The following CTBP2 variants were observed in gnomAD, a reference collection of about 807,000 sequenced individuals.
The protein encoded by CTBP2 is C-terminal binding protein 2.
Under a neutral mutation model 80.3 loss-of-function variants are expected in CTBP2, and 30 were observed. That is an observed-to-expected ratio of 0.37 (90% CI 0.28 to 0.51). CTBP2 has a LOEUF of 0.51. Ranked by LOEUF, CTBP2 falls within the 20% of genes least tolerant of loss-of-function variation. CTBP2 has a pLI of 0.93. For missense variants in CTBP2, 1,212 were observed against 1,375.3 expected (o/e 0.88, Z 1.88); for synonymous variants, 594 against 587.4 (o/e 1.01, Z -0.16).
chr10:125,058,971 C>G (rs911085682), intron 2 of CTBP2, among the ~76,000 whole-genome samples: 1 of 152,140 alleles, frequency 6.6e-6, no homozygotes, highest in Non-Finnish European at 1.5e-5. Flanking sequence ...CCACCAAAAG[C>G]ACATCCCCAC....
intron 2 of CTBP2, among the ~76,000 whole-genome samples, chr10:125,047,805 CTAACTTT>C (rs1217000711): frequency 3.3e-5 from 5 of 152,128 alleles, no homozygotes; most frequent in South Asian, 2.1e-4. Context: ...TTTAATCCTC[CTAACTTT>C]TAATTATTTA....
chr10:125,086,971 C>CAA (rs1057447583), intron 2 of CTBP2, among the ~76,000 whole-genome samples: 1 of 152,084 alleles, frequency 6.6e-6, no homozygotes, highest in Admixed American at 6.5e-5. Context: ...CCCACACACA[C>CAA]GATCTCTGAA....
intron 1 of CTBP2, among the ~76,000 whole-genome samples, chr10:125,009,757 A>G (rs1955659201): frequency 6.6e-6 from 1 of 152,186 alleles, no homozygotes; most frequent in Admixed American, 6.5e-5. Context: ...CCTCTCAGAC[A>G]CTTGGCGTTA....
chr10:125,024,824 A>G (rs1393301327), intron 1 of CTBP2, among the ~76,000 whole-genome samples: 2 of 152,240 alleles, frequency 1.3e-5, no homozygotes, highest in African/African-American at 2.4e-5. Context: ...CCTGCCGCAC[A>G]TGTATTTGAG....
intron 2 of CTBP2, among the ~76,000 whole-genome samples, chr10:125,051,047 A>T (rs1224354009): frequency 6.6e-6 from 1 of 152,258 alleles, no homozygotes; most frequent in Non-Finnish European, 1.5e-5. Flanking sequence ...ATGAAATCCC[A>T]CTGGAGAATT....
At chr10:125,157,410 C>CG (rs935220720) in intron 1 of CTBP2, among the ~76,000 whole-genome samples, 7 of 142,230 alleles carry the variant, frequency 4.9e-5, no homozygotes, top group Non-Finnish European at 7.6e-5. Context: ...AAAAAAAGAG[C>CG]GGGGGGGAGT....
chr10:124,989,755 T>C, intron 8 of CTBP2, 57 bp from the exon 11 acceptor site: 1 of 1,478,744 alleles, frequency 6.8e-7, no homozygotes. Context: ...GCCAAGCTCT[T>C]GGCTCTTCTA....
chr10:125,008,664 C>T (rs1017345911), intron 1 of CTBP2, among the ~76,000 whole-genome samples: 1 of 152,230 alleles, frequency 6.6e-6, no homozygotes, highest in Non-Finnish European at 1.5e-5. Context: ...CAAGCAGCTC[C>T]GAGCTGTACA....
chr10:125,128,727 T>C (rs1371811209), intron 1 of CTBP2, among the ~76,000 whole-genome samples: 3 of 152,262 alleles, frequency 2.0e-5, no homozygotes, highest in African/African-American at 2.4e-5. Flanking sequence ...AGTGGAAGCA[T>C]AAAATGTTAT....
chr10:125,029,552 G>A (rs1045769176), upstream of CTBP2, among the ~76,000 whole-genome samples: 3 of 152,110 alleles, frequency 2.0e-5, no homozygotes, highest in East Asian at 1.9e-4. Flanking sequence ...GAGCCACTGC[G>A]CCTGGCCAGC....
intron 2 of CTBP2, among the ~76,000 whole-genome samples, chr10:125,099,220 C>G (rs560470414): frequency 6.6e-6 from 1 of 152,302 alleles, no homozygotes; most frequent in East Asian, 1.9e-4. Flanking sequence ...TGCCAAGTGC[C>G]AAGAGAAATC....
At chr10:125,025,762 G>A (rs1957469440) in intron 1 of CTBP2, among the ~76,000 whole-genome samples, 1 of 152,224 alleles carries the variant, frequency 6.6e-6, no homozygotes, top group Non-Finnish European at 1.5e-5. Context: ...GCTGCAGTCT[G>A]TTCTGAGTGA....
At chr10:125,150,506 T>C (rs1365992378) in intron 1 of CTBP2, among the ~76,000 whole-genome samples, 1 of 152,036 alleles carries the variant, frequency 6.6e-6, no homozygotes, top group Non-Finnish European at 1.5e-5. Flanking sequence ...CATTCCCGTG[T>C]CCCAGTCAAA....
intron 3 of CTBP2, among the ~76,000 whole-genome samples, chr10:125,036,682 T>G (rs1392398283): frequency 2.7e-4 from 16 of 60,258 alleles, no homozygotes; most frequent in African/African-American, 1.1e-3. Flanking sequence ...TGTGTGTGTG[T>G]GTGTGTGTGT....
chr10:125,062,762 T>C (rs10901859), intron 2 of CTBP2, among the ~76,000 whole-genome samples: 41,202 of 152,070 alleles, frequency 0.27, 6,289 homozygotes, highest in African/African-American at 0.42. Context: ...CTCAGGAGGG[T>C]TGAGGCAGGA....
At chr10:125,138,056 C>T (rs1857224742) in intron 1 of CTBP2, 2 of 152,230 alleles carry the variant, frequency 1.3e-5, no homozygotes, top group Non-Finnish European at 2.9e-5. Context: ...AGATGCTCTT[C>T]TAACAACTGC....
chr10:125,027,203 G>A lies in CTBP2; in HGVS notation c.557C>T (p.Pro186Leu). Reference sequence around the variant, plus strand: ...GGGCTGCTCCCGTCCATACCGCCCGGGAGATGCAGCCCTGCTCTGTGTCTG... The same window carrying A: ...GGGCTGCTCCCGTCCATACCGCCCGAGAGATGCAGCCCTGCTCTGTGTCTG... Residue 186 changes from proline to leucine, a missense_variant, in exon 1 of 9, where the codon CCC becomes CTC. Around this residue, in one of 3 missense-constraint regions of CTBP2, gnomAD observed 848 missense variants for 782.3 expected, o/e 1.08. Coordinates refer to ENST00000309035, the MANE Select transcript of CTBP2 (RefSeq NM_022802.3). 4 of 1,609,906 alleles carry A rather than the reference G, an allele frequency of 2.5e-6. No homozygotes were observed. Among genetic ancestry groups the A allele is most frequent in the Middle Eastern group, 1.7e-4 (1 of 6,058 alleles).
At chr10:125,090,434 A>T (rs1264876029) in intron 2 of CTBP2, among the ~76,000 whole-genome samples, 1 of 151,446 alleles carries the variant, frequency 6.6e-6, no homozygotes, top group Admixed American at 6.6e-5. Flanking sequence ...CATAGAAAAA[A>T]TATGGAATAA....
chr10:125,127,981 C>G (rs1461820495), intron 1 of CTBP2, among the ~76,000 whole-genome samples: 1 of 152,114 alleles, frequency 6.6e-6, no homozygotes. Flanking sequence ...AAATGGAATC[C>G]ACTTAAGAGA....
Sources: gnomAD v4.1 joint callset for allele counts (sites outside exome capture counted in the v4.1 genomes callset) on GRCh38, gnomAD v4.1.1 for gene constraint, gnomAD v4.1.1 regional missense constraint, MANE v1.5 for transcripts, NCBI Gene and HGNC (gene_info 2026-07-23, HGNC 2026-07-21) for gene names.